ADAMTSL3: variants seen among roughly 807,000 people sequenced by gnomAD.
ADAMTSL3 encodes the protein ADAMTS-like protein 3.
Under a neutral mutation model 201.7 loss-of-function variants are expected in ADAMTSL3, and 128 were observed. The observed-to-expected ratio is 0.63, with a 90% confidence interval of 0.55 to 0.73. ADAMTSL3 has a LOEUF of 0.73. Among genes scored for constraint, ADAMTSL3 ranks in the 30% least tolerant of loss-of-function variants. The probability of loss-of-function intolerance (pLI) is 0.00; values close to 1 mark genes in which losing one functional copy is unlikely to be tolerated. For synonymous variants in ADAMTSL3, 738 were observed against 748.4 expected (o/e 0.99, Z 0.23); for missense variants, 1,990 against 2,119.6 (o/e 0.94, Z 1.20).
At chr15:83,750,686 G>A (rs899062356) in intron 3 of ADAMTSL3, among the ~76,000 whole-genome samples, 2 of 152,004 alleles carry the variant, frequency 1.3e-5, no homozygotes, top group African/African-American at 4.8e-5. Flanking sequence ...CGAATAGCTG[G>A]GACTACAGGC....
chr15:83,953,886 C>A (rs2066803359), intron 19 of ADAMTSL3, among the ~76,000 whole-genome samples: 1 of 152,202 alleles, frequency 6.6e-6, no homozygotes, highest in Admixed American at 6.5e-5. Context: ...AAGGTTTCCA[C>A]TGAAAAGTCT....
intron 3 of ADAMTSL3, among the ~76,000 whole-genome samples, chr15:83,768,496 A>T (rs936345984): frequency 6.6e-6 from 1 of 152,168 alleles, no homozygotes; most frequent in African/African-American, 2.4e-5. Context: ...TGTATTCTGG[A>T]CCCTACATTT....
intron 5 of ADAMTSL3, among the ~76,000 whole-genome samples, chr15:83,814,460 C>T (rs1567162248): frequency 6.6e-6 from 1 of 152,182 alleles, no homozygotes; most frequent in Non-Finnish European, 1.5e-5. Context: ...CAAGGCTGCA[C>T]ACTGCTCCTT....
At chr15:83,710,922 C>T (rs1034285546) in intron 3 of ADAMTSL3, among the ~76,000 whole-genome samples, 17 of 152,106 alleles carry the variant, frequency 1.1e-4, no homozygotes, top group African/African-American at 9.7e-5. Context: ...GCCAAGTGCC[C>T]GTTCTTTGCC....
chr15:83,926,708 T>C (rs2066252797), intron 17 of ADAMTSL3, among the ~76,000 whole-genome samples: 1 of 151,414 alleles, frequency 6.6e-6, no homozygotes, highest in Admixed American at 6.6e-5. Context: ...TTCCACCTCC[T>C]GGGTTCAAGC....
At chr15:83,842,952 C>T (rs1195973590) in intron 7 of ADAMTSL3, among the ~76,000 whole-genome samples, 1 of 152,170 alleles carries the variant, frequency 6.6e-6, no homozygotes, top group Admixed American at 6.5e-5. Context: ...TCTAATTGAA[C>T]CAGGGTAAAT....
chr15:83,941,095 T>C (rs1465522955), intron 17 of ADAMTSL3, among the ~76,000 whole-genome samples: 3 of 151,978 alleles, frequency 2.0e-5, no homozygotes, highest in Admixed American at 1.3e-4. Flanking sequence ...TTTGTCCATT[T>C]TTCCTATACT....
intron 15 of ADAMTSL3, among the ~76,000 whole-genome samples, chr15:83,906,604 T>A (rs989292364): frequency 1.1e-5 from 1 of 92,010 alleles, no homozygotes; most frequent in Non-Finnish European, 2.0e-5. Context: ...TATCTATATA[T>A]TTATATAGTG....
Position 83,761,242 on chromosome 15 carries a change from T to C in ADAMTSL3, c.190-12281T>C, listed in dbSNP as rs74024560. Among the ~76,000 whole-genome samples the C allele has an allele frequency of 9.4e-3, 1,434 of 152,258 alleles. 18 individuals carry two copies. The highest frequency in any genetic ancestry group is 0.032 in the African/African-American group (1,314 of 41,560). ...CATGGATGATACAAGGACCTTAGGA[T>C]ACTTTAAGGCCATTTATCTCTCTTC... On this transcript the variant is annotated intron_variant, in intron 3 of 29. Coordinates refer to ENST00000286744, the MANE Select transcript of ADAMTSL3 (RefSeq NM_207517.3).
intron 17 of ADAMTSL3, among the ~76,000 whole-genome samples, chr15:83,942,345 T>C (rs1385060138): frequency 6.6e-6 from 1 of 152,194 alleles, no homozygotes; most frequent in African/African-American, 2.4e-5. Context: ...TGGGAACAGA[T>C]CTGCTGCTTT....
intron 2 of ADAMTSL3, among the ~76,000 whole-genome samples, chr15:83,686,033 C>T (rs1273769516): frequency 6.6e-6 from 1 of 152,126 alleles, no homozygotes; most frequent in Non-Finnish European, 1.5e-5. Flanking sequence ...GGTCTGGCCT[C>T]TTCTCCACAG....
chr15:83,765,671 A>G (rs1122405), intron 3 of ADAMTSL3, among the ~76,000 whole-genome samples: 105,870 of 152,052 alleles, frequency 0.7, 38,162 homozygotes, highest in African/African-American at 0.86. Flanking sequence ...GCTTTTACCA[A>G]CCCTATTATA....
At chr15:83,866,082 T>G (rs555676379) in intron 8 of ADAMTSL3, among the ~76,000 whole-genome samples, 1 of 152,324 alleles carries the variant, frequency 6.6e-6, no homozygotes. Flanking sequence ...CCAGTTAGAA[T>G]GGTGATCATT....
chr15:84,036,222 T>C (rs367643898), intron 28 of ADAMTSL3, among the ~76,000 whole-genome samples: 23 of 152,312 alleles, frequency 1.5e-4, no homozygotes, highest in African/African-American at 5.5e-4. Flanking sequence ...GGCAAGGAAA[T>C]CAGAGATAGA....
At chr15:83,706,432 T>C (rs1446854204) in intron 3 of ADAMTSL3, among the ~76,000 whole-genome samples, 2 of 152,076 alleles carry the variant, frequency 1.3e-5, no homozygotes, top group Non-Finnish European at 2.9e-5. Context: ...ATGAAAACAC[T>C]CTGTGTTGCC....
intron 9 of ADAMTSL3, among the ~76,000 whole-genome samples, chr15:83,872,077 C>T (rs1052590235): frequency 1.3e-5 from 2 of 152,088 alleles, no homozygotes; most frequent in Non-Finnish European, 2.9e-5. Context: ...ACTGGCCAAG[C>T]GTTGGCCTGC....
At chr15:83,848,925 C>G (rs571731728) in intron 7 of ADAMTSL3, among the ~76,000 whole-genome samples, 1 of 152,078 alleles carries the variant, frequency 6.6e-6, no homozygotes, top group Non-Finnish European at 1.5e-5. Flanking sequence ...CATAACAACC[C>G]CTTGGAACAG....
At chr15:83,687,817 C>T (rs981263218) in intron 2 of ADAMTSL3, among the ~76,000 whole-genome samples, 3 of 151,934 alleles carry the variant, frequency 2.0e-5, no homozygotes, top group Non-Finnish European at 2.9e-5. Flanking sequence ...GTACTGATGG[C>T]GGGGATGGAG....
intron 10 of ADAMTSL3, among the ~76,000 whole-genome samples, chr15:83,885,925 C>T (rs1812494): frequency 0.89 from 134,949 of 152,158 alleles, 60,131 homozygotes; most frequent in African/African-American, 0.97. Context: ...GGTTTCACCA[C>T]GTTGGCCAGG....
Sources: allele counts gnomAD v4.1 joint callset (sites outside exome capture counted in the v4.1 genomes callset), GRCh38; gene constraint gnomAD v4.1.1; transcripts MANE v1.5; gene names NCBI Gene and HGNC (gene_info 2026-07-23, HGNC 2026-07-21).